Variants in KIR2DL3 observed in about 807,000 individuals in gnomAD.
KIR2DL3 encodes killer cell immunoglobulin-like receptor 2DL3.
Under a neutral mutation model 33.8 loss-of-function variants are expected in KIR2DL3, and 39 were observed. The ratio of observed to expected loss-of-function variants is 1.15; its 90% CI spans 0.89 to 1.51. The LOEUF (loss-of-function observed/expected upper bound fraction) is 1.51, where lower values mean the gene tolerates loss of function less well. Among genes scored for constraint, KIR2DL3 ranks in the 40% most tolerant of loss-of-function variants. The pLI is 0.00. For missense variants in KIR2DL3, 462 were observed against 426.2 expected, an observed-to-expected ratio of 1.08 and a Z score of -0.74; for synonymous variants, 174 against 160.2, an observed-to-expected ratio of 1.09 and a Z score of -0.65.
chr19:54,752,159 G>T, intron 6 of KIR2DL3, 57 bp from the exon 7 acceptor site: 2 of 1,443,900 alleles, frequency 1.4e-6, no homozygotes, highest in Non-Finnish European at 1.9e-6. Context: ...ATCTGCTTAT[G>T]AAATGAGGGC....
At chr19:54,740,104 T>C (rs1421787674) in intron 2 of KIR2DL3, among the ~76,000 whole-genome samples, 1 of 152,206 alleles carries the variant, frequency 6.6e-6, no homozygotes, top group Non-Finnish European at 1.5e-5. Flanking sequence ...GCTTTTGTTG[T>C]AGGGAGACAC....
rs370257176 is a variant in KIR2DL3 at position 54,748,739 on chromosome 19, C to T, written c.715+1354C>T. 3.6e-4 allele frequency among the ~76,000 whole-genome samples: 51 copies of T among 141,990 alleles called. No homozygotes were observed. In the South Asian group the frequency reaches 0.012, roughly 32 times the overall value. 93.2% of individuals were successfully genotyped at this position (141,990 alleles called of 152,430 possible). On this transcript the variant is annotated intron_variant, in intron 5 of 7. Coordinates refer to ENST00000342376, the MANE Select transcript of KIR2DL3 (RefSeq NM_015868.3). The stretch of plus-strand genomic sequence containing the variant: ...TGGATTCAAGTGATTCTCCTGCCTC[C>T]GCCTCTCGAGTAGCTGGGATTACAG...
At chr19:54,738,685 G>A in intron 1 of KIR2DL3, 106 bp downstream of exon 1, 2 of 1,527,878 alleles carry the variant, frequency 1.3e-6, no homozygotes, top group Non-Finnish European at 1.8e-6. Flanking sequence ...GAGATGGAGT[G>A]ATGGGCCTAG....
intron 1 of KIR2DL3, 70 bp from the exon 2 acceptor site, chr19:54,739,437 C>T: frequency 6.2e-7 from 1 of 1,611,196 alleles, no homozygotes; most frequent in Non-Finnish European, 8.5e-7. Flanking sequence ...AGACTCACAG[C>T]CCAGTGGGGG....
At chr19:54,749,263 G>A (rs917658294) in intron 5 of KIR2DL3, among the ~76,000 whole-genome samples, 3 of 149,762 alleles carry the variant, frequency 2.0e-5, no homozygotes, top group Admixed American at 1.3e-4. Flanking sequence ...TCACCTCGGG[G>A]TAACCAGGAA....
chr19:54,743,025 A>G (rs1349266828), intron 3 of KIR2DL3, among the ~76,000 whole-genome samples: 2 of 152,028 alleles, frequency 1.3e-5, no homozygotes, highest in East Asian at 3.9e-4. Context: ...GGGAGCAGAG[A>G]AAAGCACTAA....
At chr19:54,740,510 G>C (rs1233329581) in intron 2 of KIR2DL3, among the ~76,000 whole-genome samples, 1 of 150,394 alleles carries the variant, frequency 6.6e-6, no homozygotes, top group Non-Finnish European at 1.5e-5. Context: ...TCCCCCAGTG[G>C]GTGGTCAGCA....
At chr19:54,744,921 C>CATATATATATGTGTGTAT (rs2072105959) in intron 4 of KIR2DL3, among the ~76,000 whole-genome samples, 2 of 25,274 alleles carry the variant, frequency 7.9e-5, no homozygotes, top group Non-Finnish European at 7.7e-5. Context: ...CATATATAAA[C>CATATATATATGTGTGTAT]ATATATATAT....
rs1379522726 is a variant in KIR2DL3 at position 54,751,214 on chromosome 19, C to A, written c.716-435C>A. Among the ~76,000 whole-genome samples the A allele has an allele frequency of 4.9e-4, 65 of 132,178 alleles. 11 individuals carry two copies. Among genetic ancestry groups the A allele is most frequent in the African/African-American group, 1.8e-3 (62 of 34,742 alleles). 86.7% of individuals were successfully genotyped at this position (132,178 alleles called of 152,430 possible). A position where few individuals can be genotyped will look rare whatever the true frequency, so the allele number is the denominator to read the frequency against. On this transcript the variant is annotated intron_variant, in intron 5 of 7. Coordinates refer to ENST00000342376, the MANE Select transcript of KIR2DL3 (RefSeq NM_015868.3). ...TGCAGAGACCACAGAGATCACACGG[C>A]AAGAGAGGGAGCAAGGGGGAGGGGG...
intron 2 of KIR2DL3, among the ~76,000 whole-genome samples, chr19:54,740,775 G>A (rs2070909230): frequency 6.6e-6 from 1 of 151,916 alleles, no homozygotes; most frequent in Non-Finnish European, 1.5e-5. Context: ...ATAGGGGAAG[G>A]GACTGAAGGG....
intron 1 of KIR2DL3, among the ~76,000 whole-genome samples, chr19:54,739,177 T>G (rs1568910065): frequency 6.8e-6 from 1 of 147,578 alleles, no homozygotes; most frequent in Non-Finnish European, 1.5e-5. Flanking sequence ...GATATGGGCT[T>G]AGGGTGGAGA....
In KIR2DL3 at chr19:54,742,264, G is replaced by A; in HGVS notation, c.355G>A (p.Asp119Asn). Reference protein sequence around the residue: ...YQLSAPSDPLDIVITGLYEKP... With the variant: ...YQLSAPSDPLNIVITGLYEKP... ...GTTGTCAGCTCCCAGTGACCCTCTG[G>A]ACATCGTCATCACAGGTGAGAGTGT... Residue 119 changes from aspartate (D) to asparagine (N), a missense_variant, in exon 3 of 8, where the codon GAC becomes AAC. Physicochemically the swap from Asp to Asn is conservative, Grantham distance 23. Transcript: ENST00000342376. 5.6e-6 allele frequency: 9 copies of A among 1,614,148 alleles called. No individual in the cohort carries two copies. The highest frequency in any genetic ancestry group is 1.3e-5 in the African/African-American group (1 of 75,016).
In KIR2DL3 at chr19:54,752,536, G is replaced by C; in HGVS notation, c.*17G>C. On this transcript the variant is annotated 3_prime_UTR_variant, in exon 8 of 8. Transcript: ENST00000342376. ...GAGCCCTGATCCAAAGTTGTCTCCT[G>C]CCCATGAGCACCACAGTCAGGCCTT... The C allele has an allele frequency of 6.8e-7, 1 of 1,462,962 alleles. No homozygotes were observed. Among genetic ancestry groups the C allele is most frequent in the Admixed American group, 1.8e-5 (1 of 54,442 alleles). 90.6% of individuals were successfully genotyped at this position (1,462,962 alleles called of 1,614,324 possible).
Position 54,747,384 on chromosome 19 carries a change from C to G in KIR2DL3, c.714C>G (p.Thr238=), listed in dbSNP as rs781347297. Residue 238 remains threonine (T), a splice_region_variant and synonymous_variant, in exon 5 of 8, where the codon ACC becomes ACG. Transcript: ENST00000342376. ...WPSPTEPSSE[T]GNPRHLHVLI... ...CACCCACTGAACCAAGCTCCGAAAC[C>G]GGTGAGTACAGAACCCTCTTATATC... The G allele has an allele frequency of 1.2e-6, 2 of 1,610,718 alleles. No homozygotes were observed. Among genetic ancestry groups the G allele is most frequent in the African/African-American group, 2.7e-5 (2 of 74,708 alleles).
chr19:54,740,453 C>T (rs1476965307), intron 2 of KIR2DL3, among the ~76,000 whole-genome samples: 1 of 137,784 alleles, frequency 7.3e-6, no homozygotes, highest in East Asian at 2.0e-4. Flanking sequence ...GGCCCTGTGA[C>T]CCCCGCACAC....
At chr19:54,749,943 C>T (rs1316096583) in intron 5 of KIR2DL3, among the ~76,000 whole-genome samples, 3 of 116,156 alleles carry the variant, frequency 2.6e-5, no homozygotes, top group Non-Finnish European at 3.6e-5. Flanking sequence ...AAAACACACA[C>T]GAATGACAAA....
intron 4 of KIR2DL3, 106 bp downstream of exon 4, chr19:54,744,194 G>C: frequency 6.5e-7 from 1 of 1,530,502 alleles, no homozygotes; most frequent in Admixed American, 1.9e-5. Context: ...GAGAGAAGAC[G>C]AAGCTTGGGT....
In KIR2DL3 at chr19:54,738,568, T is replaced by C. The variant is rs2070212182; in HGVS notation, c.23T>C (p.Met8Thr). The change falls in exon 1 of 8, where the codon ATG (methionine) becomes ACG (threonine). Residue 8 changes from methionine (M) to threonine (T), a missense_variant. By Grantham distance (81) the Met-to-Thr change is moderately conservative. Coordinates refer to ENST00000342376, the MANE Select transcript of KIR2DL3 (RefSeq NM_015868.3). Reference sequence around the variant, plus strand: ...ACCATGTCGCTCATGGTCGTCAGCATGGTGTGTGTTGGTGAGTCCTGGAAG... The same window carrying C: ...ACCATGTCGCTCATGGTCGTCAGCACGGTGTGTGTTGGTGAGTCCTGGAAG... The part of the protein sequence containing the change: MSLMVVS[M>T]VCVGFFLLQG... The C allele has an allele frequency of 6.2e-7, 1 of 1,614,098 alleles. No individual in the cohort carries two copies. Among genetic ancestry groups the C allele is most frequent in the Non-Finnish European group, 8.5e-7 (1 of 1,180,020 alleles).
chr19:54,744,495 G>A (rs1441884547), intron 4 of KIR2DL3, among the ~76,000 whole-genome samples: 1 of 152,022 alleles, frequency 6.6e-6, no homozygotes, highest in African/African-American at 2.4e-5. Context: ...TATTTATTGA[G>A]GATAAATATA....
Sources: gnomAD v4.1 joint callset for allele counts (sites outside exome capture counted in the v4.1 genomes callset) on GRCh38, gnomAD v4.1.1 for gene constraint, MANE v1.5 for transcripts, NCBI Gene and HGNC (gene_info 2026-07-23, HGNC 2026-07-21) for gene names.